Variants in EFCAB6 observed in about 807,000 individuals in gnomAD.
EFCAB6 encodes the protein EF-hand calcium-binding domain-containing protein 6.
A neutral mutation model predicts 169.8 loss-of-function variants in EFCAB6; 156 were observed. The ratio of observed to expected loss-of-function variants is 0.92; its 90% CI spans 0.81 to 1.05. The LOEUF is 1.05. Among genes scored for constraint, EFCAB6 ranks in the 50% least tolerant of loss-of-function variants. EFCAB6 has a pLI of 0.00. For synonymous variants in EFCAB6, 698 were observed against 676.4 expected (o/e 1.03, Z -0.50); for missense variants, 1,800 against 1,829.1 (o/e 0.98, Z 0.29).
chr22:43,733,065 C>CT (rs2060011236), intron 7 of EFCAB6, among the ~76,000 whole-genome samples: 1 of 152,018 alleles, frequency 6.6e-6, no homozygotes, highest in Admixed American at 6.6e-5. Flanking sequence ...CAATGCATAC[C>CT]TTTTTTTCCA....
intron 7 of EFCAB6, among the ~76,000 whole-genome samples, chr22:43,735,114 A>G (rs1471850998): frequency 5.9e-5 from 9 of 152,304 alleles, no homozygotes; most frequent in Middle Eastern, 3.4e-3. Flanking sequence ...CCCATCTTCC[A>G]GTGGCTTTCA....
intron 9 of EFCAB6, among the ~76,000 whole-genome samples, chr22:43,715,105 C>A (rs2059286966): frequency 6.6e-6 from 1 of 152,180 alleles, no homozygotes; most frequent in Non-Finnish European, 1.5e-5. Flanking sequence ...TGGAAACATC[C>A]TTCAAAAACA....
In EFCAB6 at chr22:43,614,505, A is replaced by G. The variant is rs558996247; in HGVS notation, c.2562+1321T>C. On this transcript the variant is annotated intron_variant, in intron 21 of 31. Transcript: ENST00000262726. ...AAATGGATCACAAACCTAATTATAA[A>G]ATACAAAACTATGAAACTCTCGTAA... Among the ~76,000 whole-genome samples the G allele has an allele frequency of 6.6e-5, 10 of 152,362 alleles. No individual in the cohort carries two copies. In the South Asian group the frequency reaches 1.9e-3, roughly 28 times the overall value.
intron 2 of EFCAB6, among the ~76,000 whole-genome samples, chr22:43,794,510 A>C (rs959241552): frequency 6.6e-6 from 1 of 152,156 alleles, no homozygotes; most frequent in Non-Finnish European, 1.5e-5. Context: ...CATGCATGTG[A>C]GTGATTTGTG....
chr22:43,608,739 G>A (rs780295110), intron 21 of EFCAB6, 139 bp from the exon 22 acceptor site: 145 of 747,800 alleles, frequency 1.9e-4, no homozygotes, highest in Admixed American at 1.7e-3. Flanking sequence ...TTTAATCTAC[G>A]TTCCAGGTAT....
At chr22:43,647,964 T>G (rs768533734) in intron 17 of EFCAB6, among the ~76,000 whole-genome samples, 22 of 152,142 alleles carry the variant, frequency 1.4e-4, no homozygotes, top group African/African-American at 1.9e-4. Flanking sequence ...AAAAATACAT[T>G]TTTATTGTTT....
At chr22:43,540,986 A>C (rs2047683765) in intron 27 of EFCAB6, among the ~76,000 whole-genome samples, 2 of 151,986 alleles carry the variant, frequency 1.3e-5, no homozygotes, top group Admixed American at 1.3e-4. Flanking sequence ...AAAATGAATG[A>C]CTCAATGCAT....
At chr22:43,556,909 TCAAA>T (rs2048740158) in intron 26 of EFCAB6, among the ~76,000 whole-genome samples, 1 of 152,248 alleles carries the variant, frequency 6.6e-6, no homozygotes, top group Non-Finnish European at 1.5e-5. Context: ...TCTTTAGGAT[TCAAA>T]CAGTTGCAAA....
chr22:43,617,173 G>A (rs577109007), intron 20 of EFCAB6, among the ~76,000 whole-genome samples: 1 of 152,318 alleles, frequency 6.6e-6, no homozygotes, highest in South Asian at 2.1e-4. Context: ...ACTTGACCAT[G>A]CAAGCTTTGG....
In EFCAB6 at chr22:43,558,653, G is replaced by T. The variant is rs5764392; in HGVS notation, c.3421-3557C>A. The stretch of plus-strand genomic sequence containing the variant: ...GCCACCCCAGCCTTCAGCAACCATC[G>T]ACATTGAGGTGGGACCCTCTACTAG... On this transcript the variant is annotated intron_variant, in intron 26 of 31. Transcript: ENST00000262726. 5.3e-4 allele frequency among the ~76,000 whole-genome samples: 81 copies of T among 152,030 alleles called. 1 individual carries two copies. The highest frequency in any genetic ancestry group is 4.7e-3 in the Admixed American group (72 of 15,278).
At chr22:43,788,484 T>G (rs1048327715) in intron 2 of EFCAB6, among the ~76,000 whole-genome samples, 5 of 152,166 alleles carry the variant, frequency 3.3e-5, no homozygotes, top group African/African-American at 1.2e-4. Flanking sequence ...GGAAAGCTAC[T>G]CAACATCACT....
At chr22:43,639,436 T>C (rs972735360) in intron 17 of EFCAB6, among the ~76,000 whole-genome samples, 6 of 152,192 alleles carry the variant, frequency 3.9e-5, no homozygotes, top group Non-Finnish European at 7.3e-5. Flanking sequence ...TGGTTTTGCT[T>C]TTGCTTTTTT....
intron 4 of EFCAB6, among the ~76,000 whole-genome samples, chr22:43,771,268 T>G (rs2061460886): frequency 6.6e-6 from 1 of 151,986 alleles, no homozygotes; most frequent in East Asian, 1.9e-4. Context: ...CCGTCTCTAC[T>G]AAAAATTTAA....
chr22:43,792,577 C>T (rs1427741470), intron 2 of EFCAB6, among the ~76,000 whole-genome samples: 3 of 152,140 alleles, frequency 2.0e-5, no homozygotes, highest in Non-Finnish European at 4.4e-5. Flanking sequence ...TGGGGACTCG[C>T]GGAGTCAAGA....
At chr22:43,751,754 G>A (rs1371358606) in intron 6 of EFCAB6, among the ~76,000 whole-genome samples, 1 of 152,204 alleles carries the variant, frequency 6.6e-6, no homozygotes, top group African/African-American at 2.4e-5. Context: ...GTGATGGACT[G>A]GGTCTAACTA....
chr22:43,626,481 A>G lies in EFCAB6; in HGVS notation c.2431T>C (p.Trp811Arg). 6.2e-7 allele frequency: 1 copy of G among 1,614,180 alleles called. No homozygotes were observed. The highest frequency in any genetic ancestry group is 8.5e-7 in the Non-Finnish European group (1 of 1,180,036). Residue 811 changes from tryptophan (W) to arginine (R), a missense_variant, in exon 20 of 32, where the codon TGG becomes CGG. Transcript: ENST00000262726. ...CTTTGAGGCGCTTCATCTGTTCTCC[A>G]TGGTCTCTTCTCACACAAATTTTGA... ...EFQNLCEKRP[W>R]RTDEAPQRLI... is the part of the protein sequence containing the mutation.
intron 10 of EFCAB6, among the ~76,000 whole-genome samples, chr22:43,709,157 C>T (rs540300505): frequency 6.6e-6 from 1 of 152,324 alleles, no homozygotes; most frequent in African/African-American, 2.4e-5. Flanking sequence ...TCTTAGCTCA[C>T]TGCAACCTCT....
intron 18 of EFCAB6, among the ~76,000 whole-genome samples, chr22:43,633,151 G>A (rs1214685287): frequency 6.6e-6 from 1 of 152,206 alleles, no homozygotes; most frequent in Middle Eastern, 3.2e-3. Context: ...CTCATGGACA[G>A]CACAGCTGAA....
At chr22:43,575,921 C>CTATAT (rs2050228376) in intron 26 of EFCAB6, among the ~76,000 whole-genome samples, 1 of 152,042 alleles carries the variant, frequency 6.6e-6, no homozygotes, top group African/African-American at 2.4e-5. Context: ...AGAAGACATG[C>CTATAT]TATAGTGTTT....
Sources: gnomAD v4.1 joint callset for allele counts (sites outside exome capture counted in the v4.1 genomes callset) on GRCh38, gnomAD v4.1.1 for gene constraint, MANE v1.5 for transcripts, NCBI Gene and HGNC (gene_info 2026-07-23, HGNC 2026-07-21) for gene names.